Variants in ADAM23 observed in about 807,000 individuals in gnomAD.
ADAM23 encodes the protein ADAM metallopeptidase domain 23, also known as disintegrin and metalloproteinase domain-containing protein 23.
In ADAM23, 33 loss-of-function variants were observed where a neutral mutation model predicts 120.1. The observed-to-expected ratio is 0.27, with a 90% CI of 0.21 to 0.37. The LOEUF (loss-of-function observed/expected upper bound fraction) is 0.37, where lower values mean the gene tolerates loss of function less well. Ranked by LOEUF, ADAM23 falls within the 10% of genes least tolerant of loss-of-function variation. ADAM23 has a pLI of 1.00. For synonymous variants in ADAM23, 367 were observed against 375.2 expected (o/e 0.98, Z 0.25); for missense variants, 862 against 1,058.2 (o/e 0.81, Z 2.57).
chr2:206,503,657 T>A (rs1220203184), intron 3 of ADAM23, among the ~76,000 whole-genome samples: 1 of 152,136 alleles, frequency 6.6e-6, no homozygotes, highest in Non-Finnish European at 1.5e-5. Flanking sequence ...TAATAGGCAT[T>A]TAACGGGTGT....
chr2:206,475,720 T>C (rs1337350558), intron 2 of ADAM23, among the ~76,000 whole-genome samples: 1 of 152,052 alleles, frequency 6.6e-6, no homozygotes, highest in Non-Finnish European at 1.5e-5. Context: ...CCCATCTTGT[T>C]AGTTGGTGAA....
chr2:206,526,141 TACACACAC>T (rs59684611), intron 3 of ADAM23, among the ~76,000 whole-genome samples: 13,385 of 145,674 alleles, frequency 0.092, 693 homozygotes, highest in Middle Eastern at 0.14. Context: ...TTCCAACAAA[TACACACAC>T]ACACACACAC....
At chr2:206,540,109 G>A (rs1697259562) in intron 4 of ADAM23, among the ~76,000 whole-genome samples, 1 of 152,074 alleles carries the variant, frequency 6.6e-6, no homozygotes, top group Non-Finnish European at 1.5e-5. Context: ...TTGAACCTGG[G>A]AGGTAGAGGT....
At chr2:206,605,706 T>A in intron 24 of ADAM23, 1 of 682,360 alleles carries the variant, frequency 1.5e-6, no homozygotes, top group Non-Finnish European at 2.6e-6. Context: ...TTTCAAAGCA[T>A]GTCCTGAATA....
chr2:206,485,794 A>G (rs568590928), intron 3 of ADAM23, among the ~76,000 whole-genome samples: 75 of 152,288 alleles, frequency 4.9e-4, no homozygotes, highest in African/African-American at 1.7e-3. Context: ...ATAAAGACAT[A>G]TAGGATGGAG....
intron 9 of ADAM23, among the ~76,000 whole-genome samples, chr2:206,556,203 AATTT>A (rs146857397): frequency 0.013 from 1,939 of 152,256 alleles, 35 homozygotes; most frequent in African/African-American, 0.044. Context: ...GCAGAATATT[AATTT>A]ATTTAGCATT....
intron 6 of ADAM23, among the ~76,000 whole-genome samples, chr2:206,546,376 T>C (rs1697396975): frequency 6.6e-6 from 1 of 152,222 alleles, no homozygotes; most frequent in South Asian, 2.1e-4. Flanking sequence ...GATTTTAGTA[T>C]GCTTTGCGAT....
chr2:206,507,955 G>A (rs752731632), intron 3 of ADAM23, among the ~76,000 whole-genome samples: 4 of 152,136 alleles, frequency 2.6e-5, no homozygotes, highest in African/African-American at 7.2e-5. Context: ...TTCTAGGTCT[G>A]TCTCTCAGTG....
intron 3 of ADAM23, among the ~76,000 whole-genome samples, chr2:206,513,323 C>T (rs533300225): frequency 6.6e-6 from 1 of 152,224 alleles, no homozygotes; most frequent in Non-Finnish European, 1.5e-5. Flanking sequence ...TTCCAGTGAA[C>T]ACAGGAATGA....
At chr2:206,565,297 C>T (rs907602543) in intron 14 of ADAM23, among the ~76,000 whole-genome samples, 1 of 152,010 alleles carries the variant, frequency 6.6e-6, no homozygotes, top group East Asian at 1.9e-4. Flanking sequence ...TTCTTATTAA[C>T]CCTTAAAGGA....
intron 25 of ADAM23, 34 bp from the exon 26 acceptor site, chr2:206,617,545 T>C (rs777309998): frequency 2.5e-6 from 4 of 1,580,520 alleles, no homozygotes; most frequent in Admixed American, 1.8e-5. Flanking sequence ...ATTTTCCCCC[T>C]CTGCTTGCAT....
chr2:206,593,983 A>G (rs544023222), intron 22 of ADAM23, among the ~76,000 whole-genome samples: 12 of 151,328 alleles, frequency 7.9e-5, no homozygotes, highest in Admixed American at 3.9e-4. Flanking sequence ...CCCCTTTTCT[A>G]TGTTTAGATA....
chr2:206,560,657 TC>T (rs1697744633), intron 11 of ADAM23, among the ~76,000 whole-genome samples: 1 of 152,128 alleles, frequency 6.6e-6, no homozygotes, highest in Non-Finnish European at 1.5e-5. Flanking sequence ...GCTATTCTCT[TC>T]CCCAGTCATG....
At chr2:206,605,671 C>CA (rs973577238) in intron 24 of ADAM23, 1 of 648,786 alleles carries the variant, frequency 1.5e-6, no homozygotes. Flanking sequence ...AATCTTATAG[C>CA]AAAAAAATTC....
chr2:206,446,584 TG>T (rs1251991613), intron 2 of ADAM23, among the ~76,000 whole-genome samples: 1 of 152,162 alleles, frequency 6.6e-6, no homozygotes, highest in Non-Finnish European at 1.5e-5. Flanking sequence ...GGCTTTTGGG[TG>T]ATTTTCCTAT....
intron 2 of ADAM23, among the ~76,000 whole-genome samples, chr2:206,462,329 A>G (rs1002812149): frequency 1.3e-5 from 2 of 152,236 alleles, no homozygotes; most frequent in African/African-American, 4.8e-5. Context: ...CTCTCCCAGC[A>G]CGCCCCAAAG....
At chr2:206,495,215 G>T (rs1214930819) in intron 3 of ADAM23, among the ~76,000 whole-genome samples, 1 of 152,072 alleles carries the variant, frequency 6.6e-6, no homozygotes, top group Non-Finnish European at 1.5e-5. Flanking sequence ...CACCAAAGTT[G>T]AAATGAAGGA....
chr2:206,568,647 G>C (rs934897447), intron 15 of ADAM23, among the ~76,000 whole-genome samples: 3 of 152,168 alleles, frequency 2.0e-5, no homozygotes, highest in Non-Finnish European at 4.4e-5. Context: ...TTGCTCAGCA[G>C]GCAAAAGATA....
intron 3 of ADAM23, among the ~76,000 whole-genome samples, chr2:206,527,728 G>T (rs1221391955): frequency 1.3e-5 from 2 of 152,180 alleles, no homozygotes; most frequent in African/African-American, 4.8e-5. Context: ...AGGTGCTAGG[G>T]ATACTGTGAT....
Sources: gnomAD v4.1 joint callset for allele counts (sites outside exome capture counted in the v4.1 genomes callset) on GRCh38, gnomAD v4.1.1 for gene constraint, MANE v1.5 for transcripts, NCBI Gene and HGNC (gene_info 2026-07-23, HGNC 2026-07-21) for gene names.